Variants in SNCAIP observed in about 807,000 individuals in gnomAD.
SNCAIP encodes synphilin-1.
Under a neutral mutation model 86.7 loss-of-function variants are expected in SNCAIP, and 43 were observed. That is an observed-to-expected ratio of 0.50 (90% confidence interval 0.39 to 0.64). The LOEUF (loss-of-function observed/expected upper bound fraction) is 0.64, where lower values mean the gene tolerates loss of function less well. Among genes scored for constraint, SNCAIP ranks in the 30% least tolerant of loss-of-function variants. SNCAIP has a pLI of 0.00. For missense variants in SNCAIP, 981 were observed against 1,103.1 expected (o/e 0.89, Z 1.57); for synonymous variants, 417 against 427.2 (o/e 0.98, Z 0.29).
chr5:122,350,428 A>T (rs1321446577), intron 1 of SNCAIP, among the ~76,000 whole-genome samples: 1 of 151,980 alleles, frequency 6.6e-6, no homozygotes, highest in East Asian at 1.9e-4. Context: ...TTTAGTGTAT[A>T]CTAAATAGAT....
At chr5:122,386,008 C>T (rs2152829510) in intron 1 of SNCAIP, among the ~76,000 whole-genome samples, 1 of 152,178 alleles carries the variant, frequency 6.6e-6, no homozygotes, top group African/African-American at 2.4e-5. Context: ...TTCAGTAGAG[C>T]AATTTATGTG....
At chr5:122,392,714 GCA>G (rs1769676671) in intron 2 of SNCAIP, among the ~76,000 whole-genome samples, 1 of 152,294 alleles carries the variant, frequency 6.6e-6, no homozygotes, top group Non-Finnish European at 1.5e-5. Flanking sequence ...TGGCTGAATA[GCA>G]CATTAACTTC....
chr5:122,327,957 CAT>C (rs1397716146), intron 1 of SNCAIP, among the ~76,000 whole-genome samples: 1 of 152,078 alleles, frequency 6.6e-6, no homozygotes, highest in Non-Finnish European at 1.5e-5. Flanking sequence ...GGAAAAGTCT[CAT>C]GTGATTTAGG....
At chr5:122,323,348 C>A (rs552811771) in intron 1 of SNCAIP, 12 of 152,310 alleles carry the variant, frequency 7.9e-5, no homozygotes, top group African/African-American at 2.9e-4. Flanking sequence ...ATCTTGGGCA[C>A]TGGATGTAGT....
At chr5:122,394,889 CTGTT>C (rs1369208287) in intron 2 of SNCAIP, among the ~76,000 whole-genome samples, 1 of 152,172 alleles carries the variant, frequency 6.6e-6, no homozygotes, top group African/African-American at 2.4e-5. Context: ...GAGGCAAACT[CTGTT>C]TTTATTCCTT....
chr5:122,439,031 G>A (rs1581259799), intron 6 of SNCAIP, among the ~76,000 whole-genome samples: 1 of 152,110 alleles, frequency 6.6e-6, no homozygotes, highest in East Asian at 1.9e-4. Context: ...GATTTTTAAG[G>A]AGTTAAGAAT....
chr5:122,405,366 AAGAG>A (rs1254426473), intron 3 of SNCAIP, among the ~76,000 whole-genome samples: 2 of 152,228 alleles, frequency 1.3e-5, no homozygotes, highest in Non-Finnish European at 2.9e-5. Context: ...TGTAGGGAAT[AAGAG>A]AGAAGAAAAA....
At chr5:122,416,398 C>T (rs1775316939) in intron 3 of SNCAIP, among the ~76,000 whole-genome samples, 3 of 152,190 alleles carry the variant, frequency 2.0e-5, no homozygotes, top group African/African-American at 4.8e-5. Context: ...GTCCTCCTTC[C>T]TCAGCCTCAC....
chr5:122,398,972 A>C (rs749891815), intron 2 of SNCAIP, among the ~76,000 whole-genome samples: 2 of 152,018 alleles, frequency 1.3e-5, no homozygotes, highest in Non-Finnish European at 2.9e-5. Flanking sequence ...TGCCATATCA[A>C]CTCTGTGAAG....
At chr5:122,453,082 C>A in intron 10 of SNCAIP, 2 of 795,320 alleles carry the variant, frequency 2.5e-6, no homozygotes, top group South Asian at 1.6e-5. Context: ...CTTGGAGCAC[C>A]TTTCATCAGG....
At chr5:122,449,336 T>C (rs963988702) in intron 8 of SNCAIP, among the ~76,000 whole-genome samples, 8 of 152,218 alleles carry the variant, frequency 5.3e-5, no homozygotes, top group Non-Finnish European at 8.8e-5. Flanking sequence ...TCCATATCAC[T>C]TTCTCACCAC....
rs769349966 is a variant in SNCAIP, at chr5:122,423,574, G to C, written c.837G>C (p.Gln279His). 38 of 1,614,030 alleles carry C rather than the reference G, an allele frequency of 2.4e-5. No homozygotes were observed. The highest frequency in any genetic ancestry group is 2.7e-5 in the Non-Finnish European group (32 of 1,180,042). Residue 279 changes from glutamine to histidine, a missense_variant, in exon 4 of 11, where the codon CAG becomes CAC. Gln to His is a conservative substitution (Grantham distance 24, BLOSUM62 0). Transcript: ENST00000261368. ...TTGAGAAGACAACACCAGACTGCCAGCTCAGGGCCTTCCACCTACAATCCT... is the reference window on the plus strand; with the variant it reads ...TTGAGAAGACAACACCAGACTGCCACCTCAGGGCCTTCCACCTACAATCCT... ...RKVEKTTPDC[Q>H]LRAFHLQSSA...
intron 1 of SNCAIP, chr5:122,321,696 A>T (rs1373545793): frequency 1.3e-5 from 2 of 152,020 alleles, no homozygotes; most frequent in Admixed American, 1.3e-4. Context: ...TACCTGTCCA[A>T]CCCCTGCTCC....
At chr5:122,417,946 A>G (rs1333568862) in intron 3 of SNCAIP, among the ~76,000 whole-genome samples, 1 of 152,214 alleles carries the variant, frequency 6.6e-6, no homozygotes, top group Non-Finnish European at 1.5e-5. Flanking sequence ...AACTCTAGGT[A>G]TGTGCAGGTA....
chr5:122,372,087 T>C (rs1764388588), intron 1 of SNCAIP, among the ~76,000 whole-genome samples: 1 of 152,144 alleles, frequency 6.6e-6, no homozygotes, highest in Non-Finnish European at 1.5e-5. Context: ...TCCCATCTGC[T>C]TCCACAGCCA....
intron 10 of SNCAIP, among the ~76,000 whole-genome samples, chr5:122,460,730 T>C (rs1334576799): frequency 3.9e-5 from 6 of 152,352 alleles, no homozygotes; most frequent in Non-Finnish European, 8.8e-5. Flanking sequence ...AATTTTATGT[T>C]TGCCATGGAA....
rs145955986 is a variant in SNCAIP at position 122,395,011 on chromosome 5, A to G, written c.57+3820A>G. Among the ~76,000 whole-genome samples, 11 of 152,242 alleles carry G rather than the reference A, an allele frequency of 7.2e-5. No individual in the cohort carries two copies. In the East Asian group the frequency reaches 1.7e-3, roughly 24 times the overall value. On this transcript the variant is annotated intron_variant, in intron 2 of 10. Coordinates refer to ENST00000261368, the MANE Select transcript of SNCAIP (RefSeq NM_005460.4). ...TTGGCCACCTTACTCCTCCCCATCTATGCAACTTAGCTGAGTAGTAGTTTC... is the reference window on the plus strand; with the variant it reads ...TTGGCCACCTTACTCCTCCCCATCTGTGCAACTTAGCTGAGTAGTAGTTTC...
chr5:122,378,649 T>C (rs1765928986), intron 1 of SNCAIP, among the ~76,000 whole-genome samples: 1 of 134,244 alleles, frequency 7.4e-6, no homozygotes, highest in African/African-American at 2.8e-5. Context: ...GCCTAGGTTT[T>C]CTTCTAGGGT....
At chr5:122,399,267 A>G (rs1250068019) in intron 2 of SNCAIP, among the ~76,000 whole-genome samples, 1 of 152,136 alleles carries the variant, frequency 6.6e-6, no homozygotes, top group Non-Finnish European at 1.5e-5. Context: ...TACAGTTTGC[A>G]AAATGACTGC....
Sources: allele counts gnomAD v4.1 joint callset (sites outside exome capture counted in the v4.1 genomes callset), GRCh38; gene constraint gnomAD v4.1.1; transcripts MANE v1.5; gene names NCBI Gene and HGNC (gene_info 2026-07-23, HGNC 2026-07-21).